Variants in IQCB1 observed in about 807,000 individuals in gnomAD.
The protein encoded by IQCB1 is IQ calmodulin-binding motif-containing protein 1.
In IQCB1, 56 loss-of-function variants were observed where a neutral mutation model predicts 84.4. The ratio of observed to expected loss-of-function variants is 0.66; its 90% CI spans 0.54 to 0.83. The LOEUF (loss-of-function observed/expected upper bound fraction) is 0.83. Among genes scored for constraint, IQCB1 ranks in the 40% least tolerant of loss-of-function variants. The pLI, the probability that IQCB1 is intolerant of heterozygous loss-of-function variation, is 0.00. For synonymous variants in IQCB1, 210 were observed against 234.8 expected, an observed-to-expected ratio of 0.89 and a Z score of 0.96; for missense variants, 629 against 682.1, an observed-to-expected ratio of 0.92 and a Z score of 0.87.
chr3:121,831,699 C>T (rs1380916834), intron 2 of IQCB1, among the ~76,000 whole-genome samples: 3 of 152,204 alleles, frequency 2.0e-5, no homozygotes, highest in Admixed American at 2.0e-4. Context: ...AAGAAAACTC[C>T]ACACATTTGG....
chr3:121,825,776 T>C lies in IQCB1; in HGVS notation c.393+275A>G, dbSNP rs114162900. Among the ~76,000 whole-genome samples, 62 of 152,304 alleles carry C rather than the reference T, an allele frequency of 4.1e-4. 1 individual carries two copies. Among genetic ancestry groups the C allele is most frequent in the African/African-American group, 1.5e-3 (62 of 41,560 alleles). On this transcript the variant is annotated intron_variant, in intron 5 of 14. Transcript: ENST00000310864. ...CTACTGTTAATTTAAGTAAAAAGTA[T>C]GTTTAGAAAGATGTTATGGAAATAA... is the stretch of plus-strand genomic sequence containing the variant.
In IQCB1 at chr3:121,793,331, C is replaced by G. The variant is rs375268353; in HGVS notation, c.986+2126G>C. 6.6e-5 allele frequency among the ~76,000 whole-genome samples: 10 copies of G among 152,094 alleles called. No individual in the cohort carries two copies. The East Asian group carries it at 1.9e-3, about 29-fold the overall frequency. On this transcript the variant is annotated intron_variant, in intron 10 of 14. Coordinates refer to ENST00000310864, the MANE Select transcript of IQCB1 (RefSeq NM_001023570.4). ...AGAAACCACTATGAAAGTGCATTAG[C>G]AAGGGCGTGACTATAAAAGAATGCC... is the stretch of plus-strand genomic sequence containing the variant.
intron 7 of IQCB1, among the ~76,000 whole-genome samples, chr3:121,802,341 T>C (rs183194710): frequency 1.0e-3 from 155 of 152,290 alleles, no homozygotes; most frequent in African/African-American, 3.3e-3. Context: ...GGGTTCTCTA[T>C]TGCTCCTTGA....
At chr3:121,814,147 G>C (rs891803391) in intron 5 of IQCB1, among the ~76,000 whole-genome samples, 1 of 152,028 alleles carries the variant, frequency 6.6e-6, no homozygotes, top group Non-Finnish European at 1.5e-5. Flanking sequence ...ACATGGAAAC[G>C]GCACAAGCTG....
chr3:121,787,052 C>T (rs1031570232), intron 12 of IQCB1, among the ~76,000 whole-genome samples: 7 of 152,074 alleles, frequency 4.6e-5, no homozygotes, highest in Non-Finnish European at 8.8e-5. Flanking sequence ...ATCAGGAGTA[C>T]GTGTGATACA....
intron 12 of IQCB1, 132 bp downstream of exon 12, chr3:121,788,151 CA>C: frequency 1.1e-6 from 1 of 894,986 alleles, no homozygotes; most frequent in Non-Finnish European, 1.8e-6. Context: ...TTTTCTTTTA[CA>C]AAAGAAAAAA....
At chr3:121,824,768 C>G (rs1187333381) in intron 5 of IQCB1, among the ~76,000 whole-genome samples, 1 of 151,832 alleles carries the variant, frequency 6.6e-6, no homozygotes, top group Admixed American at 6.6e-5. Flanking sequence ...AAATCCGCAA[C>G]CATAGTTGGA....
intron 11 of IQCB1, among the ~76,000 whole-genome samples, chr3:121,789,810 A>G (rs965893887): frequency 5.3e-5 from 8 of 152,212 alleles, no homozygotes; most frequent in Admixed American, 6.5e-5. Flanking sequence ...ATCTTTATGC[A>G]TACATTTTTA....
chr3:121,813,670 CAAAG>C (rs1949928321), intron 5 of IQCB1, among the ~76,000 whole-genome samples: 2 of 152,116 alleles, frequency 1.3e-5, no homozygotes, highest in East Asian at 1.9e-4. Context: ...TCAAAAAAGA[CAAAG>C]AAGGGCATTA....
At chr3:121,825,949 T>C (rs1355536692) in intron 5 of IQCB1, 102 bp downstream of exon 5, 1 of 1,128,222 alleles carries the variant, frequency 8.9e-7, no homozygotes, top group Non-Finnish European at 1.3e-6. Flanking sequence ...AATTCACTAC[T>C]TTAATTGTAC....
intron 7 of IQCB1, among the ~76,000 whole-genome samples, chr3:121,804,928 T>G (rs1230087738): frequency 6.6e-6 from 1 of 152,192 alleles, no homozygotes; most frequent in Non-Finnish European, 1.5e-5. Flanking sequence ...TTTTGGATAG[T>G]TTCTACTGAT....
At chr3:121,806,710 T>C (rs764653086) in intron 7 of IQCB1, among the ~76,000 whole-genome samples, 15 of 152,148 alleles carry the variant, frequency 9.9e-5, no homozygotes, top group Non-Finnish European at 1.5e-4. Flanking sequence ...ACTTTTAATA[T>C]TGTAATTTAA....
chr3:121,822,269 T>TTCTC (rs1241262767), intron 5 of IQCB1, among the ~76,000 whole-genome samples: 1 of 152,214 alleles, frequency 6.6e-6, no homozygotes, highest in African/African-American at 2.4e-5. Context: ...TTCTCTTTCT[T>TTCTC]TCTCTCTCTC....
chr3:121,819,804 AGTAGCAAT>A (rs1322372923), intron 5 of IQCB1, among the ~76,000 whole-genome samples: 6 of 152,166 alleles, frequency 3.9e-5, no homozygotes, highest in Non-Finnish European at 7.4e-5. Flanking sequence ...TAAGTTTTCT[AGTAGCAAT>A]GTTTTTAAAG....
At chr3:121,817,848 G>A (rs1370338137) in intron 5 of IQCB1, among the ~76,000 whole-genome samples, 1 of 151,964 alleles carries the variant, frequency 6.6e-6, no homozygotes, top group African/African-American at 2.4e-5. Flanking sequence ...AAGAAAGAAA[G>A]AAGGAAAAGA....
At chr3:121,791,228 G>A (rs943410900) in intron 10 of IQCB1, among the ~76,000 whole-genome samples, 16 of 152,044 alleles carry the variant, frequency 1.1e-4, no homozygotes, top group Admixed American at 5.9e-4. Context: ...TGTATTCTTA[G>A]AATTAAACTG....
chr3:121,828,940 G>A lies in IQCB1; in HGVS notation c.21C>T (p.Asp7=), dbSNP rs1362861124. The change falls in exon 3 of 15, where the codon GAC becomes GAT. Residue 7 remains aspartate, a synonymous_variant. Coordinates refer to ENST00000310864, the MANE Select transcript of IQCB1 (RefSeq NM_001023570.4). MKPTGT[D]PRILSIAAEV... ...CAGCAGCTATAGATAAGATCCTTGG[G>A]TCTGTACCTGTTGGCTTCATTTCTC... 6.2e-7 allele frequency: 1 copy of A among 1,609,520 alleles called. No homozygotes were observed. Among genetic ancestry groups the A allele is most frequent in the African/African-American group, 1.3e-5 (1 of 74,894 alleles).
rs181253051 is a variant in IQCB1, at chr3:121,816,362, A to T, written c.394-7353T>A. Among the ~76,000 whole-genome samples, 457 of 152,340 alleles carry T rather than the reference A, an allele frequency of 3.0e-3. 3 individuals carry two copies. Among genetic ancestry groups the T allele is most frequent in the Non-Finnish European group, 5.7e-3 (386 of 68,022 alleles). ...TACCATTCAGGACATAGGCATAGGCAAAGATTTCATGGCTAAAACACAAAA... is the reference window on the plus strand; with the variant it reads ...TACCATTCAGGACATAGGCATAGGCTAAGATTTCATGGCTAAAACACAAAA... On this transcript the variant is annotated intron_variant, in intron 5 of 14. Transcript: ENST00000310864.
At position 121,791,884 on chromosome 3, in the gene IQCB1, A is replaced by T. The variant is rs184357430; in HGVS notation, c.987-1669T>A. On this transcript the variant is annotated intron_variant, in intron 10 of 14. Coordinates refer to ENST00000310864, the MANE Select transcript of IQCB1 (RefSeq NM_001023570.4). ...GGTGGGTGGATCACCTGAGGTCAGGAGTTTGAGACCAGCCTGGCCAACATA... is the reference window on the plus strand; with the variant it reads ...GGTGGGTGGATCACCTGAGGTCAGGTGTTTGAGACCAGCCTGGCCAACATA... 6.0e-4 allele frequency among the ~76,000 whole-genome samples: 92 copies of T among 152,200 alleles called. 1 individual carries two copies. In the East Asian group the frequency reaches 0.017, roughly 29 times the overall value.
Sources: allele counts gnomAD v4.1 joint callset (sites outside exome capture counted in the v4.1 genomes callset), GRCh38; gene constraint gnomAD v4.1.1; transcripts MANE v1.5; gene names NCBI Gene and HGNC (gene_info 2026-07-23, HGNC 2026-07-21).